Variants in CORO2B observed in about 807,000 individuals in gnomAD.
CORO2B encodes coronin-2B.
CORO2B carries 26 observed loss-of-function variants against 58.8 expected under a neutral mutation model. The ratio of observed to expected loss-of-function variants is 0.44; its 90% confidence interval spans 0.32 to 0.61. CORO2B has a LOEUF of 0.61. Ranked by LOEUF, CORO2B falls within the 20% of genes least tolerant of loss-of-function variation. The pLI is 0.04. For missense variants in CORO2B, 460 were observed against 645.1 expected (o/e 0.71, Z 3.11); for synonymous variants, 242 against 253.8 (o/e 0.95, Z 0.44).
chr15:68,700,810 G>C (rs1203881127), intron 3 of CORO2B, among the ~76,000 whole-genome samples: 2 of 152,318 alleles, frequency 1.3e-5, no homozygotes, highest in East Asian at 1.9e-4. Flanking sequence ...CGCGGAGAGA[G>C]AGAGAGGTTT....
At chr15:68,608,783 A>G (rs1900183217) in intron 1 of CORO2B, among the ~76,000 whole-genome samples, 1 of 152,112 alleles carries the variant, frequency 6.6e-6, no homozygotes, top group South Asian at 2.1e-4. Context: ...GGCTTCCCAC[A>G]GCTGGCTTTG....
chr15:68,656,550 C>T (rs1901813527), intron 2 of CORO2B, among the ~76,000 whole-genome samples: 1 of 152,144 alleles, frequency 6.6e-6, no homozygotes, highest in African/African-American at 2.4e-5. Flanking sequence ...ATGATTGATC[C>T]TGGCAGCAAA....
chr15:68,536,684 A>G, the CORO2B span, among the ~76,000 whole-genome samples: 1 of 152,246 alleles, frequency 6.6e-6, no homozygotes, highest in Non-Finnish European at 1.5e-5. Flanking sequence ...TAGCTGTGAC[A>G]TGGCCAGCTA....
chr15:68,553,553 A>T, the CORO2B span, among the ~76,000 whole-genome samples: 1 of 152,216 alleles, frequency 6.6e-6, no homozygotes, highest in Admixed American at 6.5e-5. Flanking sequence ...CATAACACTC[A>T]TCTTAGTCCT....
intron 1 of CORO2B, among the ~76,000 whole-genome samples, chr15:68,605,711 GT>G (rs35340917): frequency 0.035 from 3,518 of 99,168 alleles, 214 homozygotes; most frequent in African/African-American, 0.14. Context: ...GGGCTCTTGG[GT>G]TTTTTTTTTT....
intron 2 of CORO2B, among the ~76,000 whole-genome samples, chr15:68,659,074 A>T (rs1901926613): frequency 6.6e-6 from 1 of 152,234 alleles, no homozygotes; most frequent in South Asian, 2.1e-4. Context: ...ATGCAGTTGG[A>T]CAGTTTAAAC....
chr15:68,607,679 G>A (rs1900159666), intron 1 of CORO2B, among the ~76,000 whole-genome samples: 1 of 152,044 alleles, frequency 6.6e-6, no homozygotes, highest in Non-Finnish European at 1.5e-5. Context: ...TCAGCCAGGT[G>A]CAGTGATGCG....
chr15:68,588,029 A>G (rs192244283), intron 1 of CORO2B, among the ~76,000 whole-genome samples: 1 of 152,372 alleles, frequency 6.6e-6, no homozygotes, highest in Non-Finnish European at 1.5e-5. Context: ...TGAAGTTAGT[A>G]GTCTATCTCT....
At chr15:68,691,145 C>A (rs1390974824) in intron 2 of CORO2B, among the ~76,000 whole-genome samples, 1 of 150,386 alleles carries the variant, frequency 6.6e-6, no homozygotes, top group East Asian at 2.0e-4. Context: ...CTGGCTAACA[C>A]GGTGAAACCC....
Position 68,711,720 on chromosome 15 carries a change from T to C in CORO2B, c.648+14T>C, listed in dbSNP as rs1344955282. 6.2e-7 allele frequency: 1 copy of C among 1,613,258 alleles called. No individual in the cohort carries two copies. The highest frequency in any genetic ancestry group is 8.5e-7 in the Non-Finnish European group (1 of 1,179,748). The stretch of plus-strand genomic sequence containing the variant: ...CGTGTTCTGCAGGTGGAACCCTACA[T>C]TTTTTGAGATTGAAGGGGAAGGTAT... On this transcript the variant is annotated intron_variant, in intron 5 of 11. Transcript: ENST00000261861.
In CORO2B at chr15:68,648,348, G is replaced by A. The variant is rs1447663321; in HGVS notation, c.216+2988G>A. Among the ~76,000 whole-genome samples, 25 of 132,150 alleles carry A rather than the reference G, an allele frequency of 1.9e-4. No individual in the cohort carries two copies. The East Asian group carries it at 2.1e-3, about 11-fold the overall frequency. The allele number at this position is 132,150 out of a possible 152,430, so 86.7% of individuals were successfully genotyped here. ...TTCCAGCTAAAAAAAAAAAAAAAAC[G>A]AAAGAAAGAAACAAAAGGCCGGGTG... On this transcript the variant is annotated intron_variant, in intron 2 of 11. Coordinates refer to ENST00000261861, the MANE Select transcript of CORO2B (RefSeq NM_006091.5).
intron 1 of CORO2B, among the ~76,000 whole-genome samples, chr15:68,615,982 A>G (rs925241081): frequency 1.3e-5 from 2 of 152,218 alleles, no homozygotes; most frequent in Non-Finnish European, 2.9e-5. Context: ...TGCCGTTTAT[A>G]GAACACCTAC....
At chr15:68,700,660 TG>T (rs1172634384) in intron 3 of CORO2B, among the ~76,000 whole-genome samples, 1 of 152,222 alleles carries the variant, frequency 6.6e-6, no homozygotes, top group Non-Finnish European at 1.5e-5. Context: ...TTTCCGCTGC[TG>T]GGTGATGTCA....
At chr15:68,518,916 G>A in the CORO2B span, among the ~76,000 whole-genome samples, 1 of 152,146 alleles carries the variant, frequency 6.6e-6, no homozygotes, top group Non-Finnish European at 1.5e-5. Context: ...AGTTTATGAG[G>A]AGGAGCCTGG....
At chr15:68,650,471 G>A (rs1036446957) in intron 2 of CORO2B, among the ~76,000 whole-genome samples, 4 of 151,260 alleles carry the variant, frequency 2.6e-5, no homozygotes, top group African/African-American at 9.7e-5. Flanking sequence ...ACTTGGCTGG[G>A]CGTGATGGTG....
chr15:68,690,849 T>A (rs1445502177), intron 2 of CORO2B, among the ~76,000 whole-genome samples: 1 of 151,578 alleles, frequency 6.6e-6, no homozygotes, highest in Non-Finnish European at 1.5e-5. Context: ...AAGGTGGAAT[T>A]TTGCCATGTT....
chr15:68,697,989 C>T (rs998266789), intron 3 of CORO2B, among the ~76,000 whole-genome samples: 1 of 152,136 alleles, frequency 6.6e-6, no homozygotes, highest in Non-Finnish European at 1.5e-5. Context: ...AAGGGCTGAC[C>T]CCAGCTGGTG....
intron 2 of CORO2B, among the ~76,000 whole-genome samples, chr15:68,668,051 C>T (rs1447804394): frequency 3.9e-5 from 6 of 152,296 alleles, no homozygotes; most frequent in East Asian, 1.9e-4. Flanking sequence ...GCTCTTGAGA[C>T]GCCTGGTGCC....
intron 1 of CORO2B, among the ~76,000 whole-genome samples, chr15:68,582,909 G>T (rs887567539): frequency 6.6e-6 from 1 of 152,192 alleles, no homozygotes; most frequent in Non-Finnish European, 1.5e-5. Flanking sequence ...GGCTCAGGGG[G>T]GTCAGCGGTC....
Sources: gnomAD v4.1 joint callset for allele counts (sites outside exome capture counted in the v4.1 genomes callset) on GRCh38, gnomAD v4.1.1 for gene constraint, MANE v1.5 for transcripts, NCBI Gene and HGNC (gene_info 2026-07-23, HGNC 2026-07-21) for gene names.